The following MDGA2 variants were observed in gnomAD, a reference collection of about 807,000 sequenced individuals.
MDGA2 encodes MAM domain containing glycosylphosphatidylinositol anchor 2, also known as MAM domain-containing glycosylphosphatidylinositol anchor protein 2.
Under a neutral mutation model 117.8 loss-of-function variants are expected in MDGA2, and 40 were observed. The ratio of observed to expected loss-of-function variants is 0.34; its 90% CI spans 0.26 to 0.44. The LOEUF (loss-of-function observed/expected upper bound fraction) is 0.44. Ranked by LOEUF, MDGA2 falls within the 20% of genes least tolerant of loss-of-function variation. The probability of loss-of-function intolerance (pLI) is 1.00; values close to 1 mark genes in which losing one functional copy is unlikely to be tolerated. For synonymous variants in MDGA2, 452 were observed against 439.0 expected (o/e 1.03, Z -0.37); for missense variants, 1,123 against 1,250.6 (o/e 0.90, Z 1.54).
intron 3 of MDGA2, among the ~76,000 whole-genome samples, chr14:47,202,062 C>G (rs922381776): frequency 3.9e-5 from 6 of 152,004 alleles, no homozygotes; most frequent in Non-Finnish European, 5.9e-5. Context: ...ATGACATATC[C>G]CACTGCCTCT....
At chr14:47,528,568 G>T (rs1895022512) in intron 1 of MDGA2, among the ~76,000 whole-genome samples, 1 of 152,072 alleles carries the variant, frequency 6.6e-6, no homozygotes, top group South Asian at 2.1e-4. Flanking sequence ...AATAAGACTA[G>T]AAAATAATAA....
At chr14:47,199,637 A>G (rs1460696297) in intron 3 of MDGA2, among the ~76,000 whole-genome samples, 1 of 152,180 alleles carries the variant, frequency 6.6e-6, no homozygotes, top group Non-Finnish European at 1.5e-5. Flanking sequence ...TTGATATCAT[A>G]CTCAAAGAAA....
intron 1 of MDGA2, among the ~76,000 whole-genome samples, chr14:47,638,820 C>T (rs1390210715): frequency 1.3e-5 from 2 of 152,154 alleles, no homozygotes; most frequent in Non-Finnish European, 2.9e-5. Context: ...TAGATTATTT[C>T]ACATCACCAT....
At chr14:47,436,381 G>C (rs1050369832) in intron 1 of MDGA2, among the ~76,000 whole-genome samples, 1 of 152,022 alleles carries the variant, frequency 6.6e-6, no homozygotes, top group Non-Finnish European at 1.5e-5. Context: ...GTTACATGTA[G>C]CTAGTCTTTA....
At chr14:47,606,297 C>T (rs567321261) in intron 1 of MDGA2, among the ~76,000 whole-genome samples, 3 of 152,250 alleles carry the variant, frequency 2.0e-5, no homozygotes, top group Non-Finnish European at 2.9e-5. Context: ...TTTAATCCCA[C>T]GTAATTTCTT....
chr14:47,513,554 A>G (rs1034971671), intron 1 of MDGA2, among the ~76,000 whole-genome samples: 1 of 152,074 alleles, frequency 6.6e-6, no homozygotes, highest in African/African-American at 2.4e-5. Flanking sequence ...CACATAGAAA[A>G]ATAGATAATT....
chr14:47,588,259 TATAC>T (rs60922783), intron 1 of MDGA2, among the ~76,000 whole-genome samples: 42,545 of 122,044 alleles, frequency 0.35, 8,451 homozygotes, highest in East Asian at 0.88. Context: ...TATATATATA[TATAC>T]ACACACACAC....
At chr14:46,966,905 G>A (rs1396460889) in intron 8 of MDGA2, among the ~76,000 whole-genome samples, 1 of 140,762 alleles carries the variant, frequency 7.1e-6, no homozygotes, top group African/African-American at 2.5e-5. Flanking sequence ...GTTTATTTGT[G>A]TGTATTTCTT....
chr14:46,858,857 C>A (rs1043690796), intron 14 of MDGA2, among the ~76,000 whole-genome samples: 1 of 152,102 alleles, frequency 6.6e-6, no homozygotes, highest in Admixed American at 6.5e-5. Flanking sequence ...TATCTAGTTA[C>A]TTTCAGTGAG....
chr14:47,412,835 A>T lies in MDGA2; in HGVS notation c.281-111285T>A, dbSNP rs1187707764. On this transcript the variant is annotated intron_variant, in intron 1 of 16. Coordinates refer to ENST00000399232, the MANE Select transcript of MDGA2 (RefSeq NM_001113498.3). ...TGCAATTTCAAGGTGAGAGTCTCAG[A>T]AAAGGGCCTTTGAGCTAAACAGTTT... Among the ~76,000 whole-genome samples, 8 of 152,194 alleles carry T rather than the reference A, an allele frequency of 5.3e-5. No homozygotes were observed. In the East Asian group the frequency reaches 1.5e-3, roughly 29 times the overall value.
chr14:47,674,672 A>C lies in MDGA2; in HGVS notation c.125T>G (p.Val42Gly), dbSNP rs541763645. The change falls in exon 1 of 17, where the codon GTG (valine) becomes GGG (glycine). Residue 42 changes from valine to glycine, a missense_variant. Coordinates refer to ENST00000399232, the MANE Select transcript of MDGA2 (RefSeq NM_001113498.3). ...GCCGGCGGCCAGCCAGGCGCGCTCC[A>C]CTCGCGCCCGGGCCAAGCCGAGGTG... Reference protein sequence around the residue: ...PGHLGLARARVERAWLAAGLL... With the variant: ...PGHLGLARARGERAWLAAGLL... 4.5e-6 allele frequency: 6 copies of C among 1,336,736 alleles called. No individual in the cohort carries two copies. The highest frequency in any genetic ancestry group is 5.2e-6 in the Non-Finnish European group (5 of 952,910). 82.8% of individuals were successfully genotyped at this position (1,336,736 alleles called of 1,614,324 possible). A position where few individuals can be genotyped will look rare whatever the true frequency, so the allele number is the denominator to read the frequency against.
intron 3 of MDGA2, among the ~76,000 whole-genome samples, chr14:47,161,753 T>G (rs1883643049): frequency 6.6e-6 from 1 of 151,714 alleles, no homozygotes; most frequent in Admixed American, 6.6e-5. Context: ...AGAACACTTT[T>G]TATTTCTTCT....
intron 3 of MDGA2, among the ~76,000 whole-genome samples, chr14:47,194,172 C>T (rs1168958033): frequency 6.6e-6 from 1 of 152,066 alleles, no homozygotes; most frequent in African/African-American, 2.4e-5. Flanking sequence ...CTAGACACAG[C>T]AACAATGCTC....
At chr14:47,091,357 A>G (rs1039901881) in intron 6 of MDGA2, among the ~76,000 whole-genome samples, 12 of 152,150 alleles carry the variant, frequency 7.9e-5, no homozygotes, top group Admixed American at 3.3e-4. Flanking sequence ...CTATAGTCCT[A>G]TTAAAAAGCA....
intron 5 of MDGA2, among the ~76,000 whole-genome samples, chr14:47,104,003 C>A (rs1880491472): frequency 6.6e-6 from 1 of 152,204 alleles, no homozygotes; most frequent in African/African-American, 2.4e-5. Flanking sequence ...ACAGCACACT[C>A]TGCATGACTC....
intron 6 of MDGA2, among the ~76,000 whole-genome samples, chr14:47,083,583 T>G (rs1363316790): frequency 6.6e-6 from 1 of 151,992 alleles, no homozygotes; most frequent in Non-Finnish European, 1.5e-5. Flanking sequence ...AGCTCTAATA[T>G]TTCAATAATT....
At chr14:47,453,752 A>G (rs1893288220) in intron 1 of MDGA2, among the ~76,000 whole-genome samples, 1 of 152,202 alleles carries the variant, frequency 6.6e-6, no homozygotes, top group Non-Finnish European at 1.5e-5. Flanking sequence ...GAATTATCTG[A>G]AATTCTTTGT....
intron 1 of MDGA2, among the ~76,000 whole-genome samples, chr14:47,564,498 C>T (rs1490485814): frequency 2.0e-5 from 3 of 152,128 alleles, no homozygotes; most frequent in Non-Finnish European, 2.9e-5. Flanking sequence ...TTATAAAACC[C>T]TCAAATCTCA....
intron 7 of MDGA2, chr14:47,059,007 G>A (rs370153152): frequency 3.0e-6 from 3 of 998,762 alleles, no homozygotes; most frequent in African/African-American, 3.5e-5. Flanking sequence ...CTTTGGGAGT[G>A]ATAAAACATT....
Sources: allele counts gnomAD v4.1 joint callset (sites outside exome capture counted in the v4.1 genomes callset), GRCh38; gene constraint gnomAD v4.1.1; transcripts MANE v1.5; gene names NCBI Gene and HGNC (gene_info 2026-07-23, HGNC 2026-07-21).